The following BTBD9 variants were observed in gnomAD, a reference collection of about 807,000 sequenced individuals.
The protein encoded by BTBD9 is BTB/POZ domain-containing protein 9.
In BTBD9, 49 loss-of-function variants were observed where a neutral mutation model predicts 64.3. That is an observed-to-expected ratio of 0.76 (90% CI 0.61 to 0.97). The LOEUF is 0.97. Among genes scored for constraint, BTBD9 ranks in the 50% least tolerant of loss-of-function variants. The pLI, the probability that BTBD9 is intolerant of heterozygous loss-of-function variation, is 0.00. For missense variants in BTBD9, 598 were observed against 762.1 expected (o/e 0.78, Z 2.53); for synonymous variants, 260 against 274.7 (o/e 0.95, Z 0.53).
intron 6 of BTBD9, among the ~76,000 whole-genome samples, chr6:38,391,222 A>G (rs1430759659): frequency 6.6e-6 from 1 of 152,238 alleles, no homozygotes; most frequent in African/African-American, 2.4e-5. Flanking sequence ...GGTTTTACAT[A>G]CTATCCTTTT....
At chr6:38,420,645 C>T (rs1472064031) in intron 6 of BTBD9, among the ~76,000 whole-genome samples, 1 of 151,886 alleles carries the variant, frequency 6.6e-6, no homozygotes, top group East Asian at 1.9e-4. Flanking sequence ...ATCACAAGGT[C>T]AAGAAATAAA....
intron 6 of BTBD9, among the ~76,000 whole-genome samples, chr6:38,472,807 A>C (rs527259676): frequency 2.4e-4 from 36 of 152,040 alleles, no homozygotes; most frequent in Non-Finnish European, 5.1e-4. Flanking sequence ...AATCAAGCCC[A>C]CTCTTGCATT....
intron 6 of BTBD9, among the ~76,000 whole-genome samples, chr6:38,432,350 C>A (rs1466246207): frequency 6.6e-6 from 1 of 151,978 alleles, no homozygotes; most frequent in Non-Finnish European, 1.5e-5. Flanking sequence ...GGCTGACTGT[C>A]CTCACTCATT....
chr6:38,612,934 A>C (rs984988378), intron 1 of BTBD9: 1 of 151,796 alleles, frequency 6.6e-6, no homozygotes, highest in African/African-American at 2.4e-5. Flanking sequence ...ATTTCCATCA[A>C]CTCTCCTGTC....
At chr6:38,598,656 G>A (rs1451120268) in intron 1 of BTBD9, among the ~76,000 whole-genome samples, 3 of 152,052 alleles carry the variant, frequency 2.0e-5, no homozygotes, top group Non-Finnish European at 2.9e-5. Flanking sequence ...GGTGGCTCAC[G>A]CCTGTAATCC....
chr6:38,194,466 T>C (rs1406492377), intron 9 of BTBD9, among the ~76,000 whole-genome samples: 4 of 152,208 alleles, frequency 2.6e-5, no homozygotes, highest in Non-Finnish European at 5.9e-5. Context: ...CAAAAAGGAC[T>C]GGCTTGGGGA....
chr6:38,180,973 G>C (rs1308908422), intron 10 of BTBD9, among the ~76,000 whole-genome samples: 2 of 152,206 alleles, frequency 1.3e-5, no homozygotes, highest in Non-Finnish European at 2.9e-5. Context: ...ACATACTGGA[G>C]ATAGGCTGGG....
intron 6 of BTBD9, among the ~76,000 whole-genome samples, chr6:38,509,716 G>A (rs940408397): frequency 6.6e-6 from 1 of 152,168 alleles, no homozygotes; most frequent in Admixed American, 6.5e-5. Context: ...AAGAGGCACT[G>A]CACAAAACAG....
chr6:38,317,912 A>T (rs562061314), intron 7 of BTBD9, among the ~76,000 whole-genome samples: 3 of 148,916 alleles, frequency 2.0e-5, no homozygotes, highest in Non-Finnish European at 4.4e-5. Flanking sequence ...TGTTATCTTG[A>T]ATTTGAGTTT....
chr6:38,256,367 G>T, intron 9 of BTBD9, 42 bp downstream of exon 9: 1 of 1,444,246 alleles, frequency 6.9e-7, no homozygotes, highest in South Asian at 1.2e-5. Context: ...TGGGAAGACT[G>T]TCTTTTCAAT....
chr6:38,550,988 G>A (rs568699440), intron 6 of BTBD9, among the ~76,000 whole-genome samples: 2 of 152,246 alleles, frequency 1.3e-5, no homozygotes, highest in South Asian at 2.1e-4. Flanking sequence ...GCCAGTTGCT[G>A]TTCCCTCAGC....
intron 7 of BTBD9, among the ~76,000 whole-genome samples, chr6:38,334,452 C>T (rs59459724): frequency 0.06 from 9,173 of 151,868 alleles, 758 homozygotes; most frequent in East Asian, 0.37. Flanking sequence ...CTCAGCTACT[C>T]GGGAGGCTGA....
chr6:38,334,610 CATAACATAACATAACATAAA>C lies in BTBD9; in HGVS notation c.1264+10354_1264+10373del, dbSNP rs1447318280. Among the ~76,000 whole-genome samples the C allele has an allele frequency of 2.2e-3, 317 of 145,240 alleles. 2 individuals are homozygous for C. The highest frequency in any genetic ancestry group is 8.1e-3 in the African/African-American group (292 of 35,988). ...CATAACATAACATAACATAACATAA[CATAACATAACATAACATAAA>C]ATAAATAAAATAATAAAATAAAATA... On this transcript the variant is annotated intron_variant, in intron 7 of 10. Coordinates refer to ENST00000481247, the MANE Select transcript of BTBD9 (RefSeq NM_001099272.2).
chr6:38,361,634 A>G (rs1187282388), intron 6 of BTBD9, among the ~76,000 whole-genome samples: 2 of 152,212 alleles, frequency 1.3e-5, no homozygotes, highest in African/African-American at 4.8e-5. Flanking sequence ...TGAGGTCAGG[A>G]GTTCGAGACC....
chr6:38,577,473 G>T, intron 6 of BTBD9, 127 bp downstream of exon 6: 1 of 880,446 alleles, frequency 1.1e-6, no homozygotes, highest in Non-Finnish European at 1.7e-6. Flanking sequence ...TTTTTTACTT[G>T]GGATATGTTT....
chr6:38,597,923 A>G lies in BTBD9; in HGVS notation c.172T>C (p.Cys58Arg). 9 of 1,613,878 alleles carry G rather than the reference A, an allele frequency of 5.6e-6. No individual in the cohort carries two copies. Among genetic ancestry groups the G allele is most frequent in the Non-Finnish European group, 5.9e-6 (7 of 1,179,850 alleles). Reference protein sequence around the residue: ...PAHRVILAARCQYFRALLYGG... With the variant: ...PAHRVILAARRQYFRALLYGG... ...TTACACACTTACCGAAAATATTGGC[A>G]CCTGGCTGCTAAAATTACCCTGTGG... The change falls in exon 2 of 11, where the codon TGC becomes CGC. Residue 58 changes from cysteine (C) to arginine (R), a missense_variant. By Grantham distance (180) the Cys-to-Arg change is radical. Transcript: ENST00000481247.
intron 6 of BTBD9, among the ~76,000 whole-genome samples, chr6:38,458,938 T>C (rs1489195990): frequency 1.3e-5 from 2 of 152,194 alleles, no homozygotes; most frequent in Non-Finnish European, 2.9e-5. Context: ...CATCAAATGT[T>C]CTATTAAAGG....
intron 7 of BTBD9, among the ~76,000 whole-genome samples, chr6:38,315,811 A>T (rs1201129100): frequency 6.6e-6 from 1 of 152,330 alleles, no homozygotes; most frequent in East Asian, 1.9e-4. Context: ...TGTTCTGTAA[A>T]TATCTATTAG....
chr6:38,574,809 A>G (rs1477527056), intron 6 of BTBD9, among the ~76,000 whole-genome samples: 1 of 152,170 alleles, frequency 6.6e-6, no homozygotes, highest in Admixed American at 6.5e-5. Context: ...TCCACAGCCC[A>G]TTGTTTTAAA....
Sources: gnomAD v4.1 joint callset for allele counts (sites outside exome capture counted in the v4.1 genomes callset) on GRCh38, gnomAD v4.1.1 for gene constraint, MANE v1.5 for transcripts, NCBI Gene and HGNC (gene_info 2026-07-23, HGNC 2026-07-21) for gene names.